Variants in MTUS2 observed in about 807,000 individuals in gnomAD.
MTUS2 encodes microtubule-associated tumor suppressor candidate 2.
In MTUS2, 40 loss-of-function variants were observed where a neutral mutation model predicts 114.1. The observed-to-expected ratio is 0.35, with a 90% CI of 0.27 to 0.46. The LOEUF is 0.46. MTUS2 is among the 20% of genes least tolerant of loss of function. MTUS2 has a pLI of 1.00. For missense variants in MTUS2, 1,679 were observed against 1,705.4 expected (o/e 0.98, Z 0.27); for synonymous variants, 688 against 672.0 (o/e 1.02, Z -0.37).
chr13:28,989,696 T>G lies in MTUS2; in HGVS notation c.-242-34761T>G, dbSNP rs563399464. Reference sequence around the variant, plus strand: ...ACGGCAGCCACCTCACTCCTTCTGCTGGGGAGACAGTATGAGGGGTGAGGA... The same window carrying G: ...ACGGCAGCCACCTCACTCCTTCTGCGGGGGAGACAGTATGAGGGGTGAGGA... On this transcript the variant is annotated intron_variant, in intron 2 of 15. Coordinates refer to ENST00000612955, the MANE Select transcript of MTUS2 (RefSeq NM_001033602.4). Among the ~76,000 whole-genome samples the G allele has an allele frequency of 3.9e-5, 6 of 152,194 alleles. No individual in the cohort carries two copies. The South Asian group carries it at 1.2e-3, about 32-fold the overall frequency.
intron 1 of MTUS2, among the ~76,000 whole-genome samples, chr13:28,830,331 A>T (rs1874580069): frequency 6.6e-6 from 1 of 152,224 alleles, no homozygotes; most frequent in African/African-American, 2.4e-5. Context: ...TGGACTTAGT[A>T]GACAAACATT....
chr13:28,911,173 CTTTTTTTTTT>C (rs35468877), intron 2 of MTUS2, among the ~76,000 whole-genome samples: 3 of 79,640 alleles, frequency 3.8e-5, no homozygotes, highest in East Asian at 3.5e-4. Flanking sequence ...CTGCGCCCTG[CTTTTTTTTTT>C]TTTTTTTTTT....
intron 4 of MTUS2, among the ~76,000 whole-genome samples, chr13:29,090,475 T>C (rs1889892436): frequency 6.6e-6 from 1 of 151,866 alleles, no homozygotes. Flanking sequence ...CCCACACCAG[T>C]GGAGTGACTG....
At chr13:29,238,111 C>T (rs1896603145) in intron 5 of MTUS2, among the ~76,000 whole-genome samples, 1 of 152,162 alleles carries the variant, frequency 6.6e-6, no homozygotes, top group Non-Finnish European at 1.5e-5. Flanking sequence ...TCTCTGCATT[C>T]CCATGTTCAT....
At chr13:29,410,462 G>T (rs1273535972) in intron 8 of MTUS2, among the ~76,000 whole-genome samples, 1 of 152,100 alleles carries the variant, frequency 6.6e-6, no homozygotes, top group Non-Finnish European at 1.5e-5. Context: ...GGTGAGAAAT[G>T]GTATCTCAAT....
chr13:29,000,808 C>T (rs755406256), intron 2 of MTUS2, among the ~76,000 whole-genome samples: 9 of 152,214 alleles, frequency 5.9e-5, no homozygotes, highest in Non-Finnish European at 1.2e-4. Flanking sequence ...TATTTTTACT[C>T]TCCTTTCCGT....
At chr13:29,205,777 T>C (rs1428463944) in intron 5 of MTUS2, among the ~76,000 whole-genome samples, 1 of 152,252 alleles carries the variant, frequency 6.6e-6, no homozygotes, top group Non-Finnish European at 1.5e-5. Flanking sequence ...CCATAGTATG[T>C]TTGTACCATA....
rs115795781 is a variant in MTUS2 at position 29,325,720 on chromosome 13, C to T, written c.2905+1009C>T. Among the ~76,000 whole-genome samples, 1,498 of 152,280 alleles carry T rather than the reference C, an allele frequency of 9.8e-3. 15 individuals carry two copies. Among genetic ancestry groups the T allele is most frequent in the African/African-American group, 0.034 (1,394 of 41,542 alleles). On this transcript the variant is annotated intron_variant, in intron 7 of 15. Coordinates refer to ENST00000612955, the MANE Select transcript of MTUS2 (RefSeq NM_001033602.4). Reference sequence around the variant, plus strand: ...GCAGCTAATGTTTGAGCTCTAACTGCATGCCAGGTACTGCCCTGTGCTCTT... The same window carrying T: ...GCAGCTAATGTTTGAGCTCTAACTGTATGCCAGGTACTGCCCTGTGCTCTT...
chr13:29,223,299 G>A (rs183580032), intron 5 of MTUS2, among the ~76,000 whole-genome samples: 1 of 152,096 alleles, frequency 6.6e-6, no homozygotes, highest in Non-Finnish European at 1.5e-5. Context: ...AACCAGACTG[G>A]GGCAGGTGAC....
rs563837062 is a variant in MTUS2 at position 29,397,275 on chromosome 13, C to T, written c.3117+37802C>T. 3.9e-5 allele frequency among the ~76,000 whole-genome samples: 6 copies of T among 152,278 alleles called. No homozygotes were observed. In the East Asian group the frequency reaches 1.2e-3, roughly 29 times the overall value. Reference sequence around the variant, plus strand: ...CAACAGATCCTCTAAGCTGTCATGCCTCACTCTCTACCACTCTTTTTTCTT... The same window carrying T: ...CAACAGATCCTCTAAGCTGTCATGCTTCACTCTCTACCACTCTTTTTTCTT... On this transcript the variant is annotated intron_variant, in intron 8 of 15. Transcript: ENST00000612955.
At chr13:29,195,475 A>C (rs1894648499) in intron 5 of MTUS2, among the ~76,000 whole-genome samples, 1 of 150,644 alleles carries the variant, frequency 6.6e-6, no homozygotes, top group South Asian at 2.1e-4. Flanking sequence ...AATTTAACAC[A>C]TTTAATGTTA....
intron 5 of MTUS2, among the ~76,000 whole-genome samples, chr13:29,194,822 A>C (rs1894607722): frequency 1.3e-5 from 2 of 152,014 alleles, no homozygotes; most frequent in Non-Finnish European, 2.9e-5. Flanking sequence ...ACTATTCACA[A>C]TAGCAAAGAC....
chr13:29,284,456 A>G (rs1319418516), intron 6 of MTUS2, among the ~76,000 whole-genome samples: 1 of 152,184 alleles, frequency 6.6e-6, no homozygotes, highest in Non-Finnish European at 1.5e-5. Flanking sequence ...AGGAGAGACT[A>G]AGAGGTACAG....
intron 9 of MTUS2, among the ~76,000 whole-genome samples, chr13:29,473,723 A>G (rs1401134498): frequency 6.6e-6 from 1 of 152,216 alleles, no homozygotes; most frequent in Admixed American, 6.5e-5. Context: ...ATCTATGCTT[A>G]TAAATTAGAA....
intron 2 of MTUS2, among the ~76,000 whole-genome samples, chr13:28,876,181 G>A (rs560014152): frequency 1.3e-5 from 2 of 152,288 alleles, no homozygotes; most frequent in South Asian, 4.1e-4. Flanking sequence ...GGAGATGAGT[G>A]AATACCCTGG....
rs146593214 is a variant in MTUS2 at position 29,145,924 on chromosome 13, C to G, written c.2644+44954C>G. Among the ~76,000 whole-genome samples the G allele has an allele frequency of 2.8e-3, 421 of 152,270 alleles. 4 individuals are homozygous for G. Among genetic ancestry groups the G allele is most frequent in the African/African-American group, 9.9e-3 (410 of 41,548 alleles). ...ACACACCTTCAAATGGTAAAGAAAG[C>G]TGGACAAAAGTTATTTCTTTAAGGG... On this transcript the variant is annotated intron_variant, in intron 5 of 15. Coordinates refer to ENST00000612955, the MANE Select transcript of MTUS2 (RefSeq NM_001033602.4).
At chr13:29,458,890 T>G (rs1344409754) in intron 9 of MTUS2, among the ~76,000 whole-genome samples, 1 of 152,236 alleles carries the variant, frequency 6.6e-6, no homozygotes, top group Non-Finnish European at 1.5e-5. Flanking sequence ...AGTCCAAAGT[T>G]GAGAGGCCTA....
At chr13:29,364,812 T>C (rs1340036406) in intron 8 of MTUS2, among the ~76,000 whole-genome samples, 2 of 152,194 alleles carry the variant, frequency 1.3e-5, no homozygotes, top group African/African-American at 4.8e-5. Flanking sequence ...CATCAAGCTC[T>C]TTGTTGCTTC....
At position 29,389,389 on chromosome 13, in the gene MTUS2, G is replaced by A. The variant is rs1363652998; in HGVS notation, c.3117+29916G>A. On this transcript the variant is annotated intron_variant, in intron 8 of 15. Transcript: ENST00000612955. ...CACGTGTGTGTATATATGTATACAC[G>A]TGTGTGTATATATGTATACACGTGT... Among the ~76,000 whole-genome samples, 109 of 12,414 alleles carry A rather than the reference G, an allele frequency of 8.8e-3. 21 individuals are homozygous for A. Among genetic ancestry groups the A allele is most frequent in the Non-Finnish European group, 0.024 (69 of 2,878 alleles). 8.1% of individuals were successfully genotyped at this position (12,414 alleles called of 152,430 possible).
Sources: gnomAD v4.1 joint callset for allele counts (sites outside exome capture counted in the v4.1 genomes callset) on GRCh38, gnomAD v4.1.1 for gene constraint, MANE v1.5 for transcripts, NCBI Gene and HGNC (gene_info 2026-07-23, HGNC 2026-07-21) for gene names.